Variants in SACS observed in about 807,000 individuals in gnomAD.
SACS encodes sacsin.
Under a neutral mutation model 348.0 loss-of-function variants are expected in SACS, and 197 were observed. The observed-to-expected ratio is 0.57, with a 90% CI of 0.50 to 0.64. SACS has a LOEUF of 0.64. SACS is among the 30% of genes least tolerant of loss of function. The probability of loss-of-function intolerance (pLI) is 0.00; values close to 1 mark genes in which losing one functional copy is unlikely to be tolerated. For missense variants in SACS, 4,999 were observed against 5,360.8 expected (o/e 0.93, Z 2.11); for synonymous variants, 1,985 against 1,910.6 (o/e 1.04, Z -1.02).
At position 23,332,355 on chromosome 13, in the gene SACS, G is replaced by A; in HGVS notation, c.11521C>T (p.His3841Tyr). Residue 3841 changes from histidine to tyrosine, a missense_variant, in exon 10 of 10, where the codon CAC becomes TAC. Around this residue, in one of 6 missense-constraint regions of SACS, gnomAD observed 831 missense variants for 941.8 expected, o/e 0.88. Coordinates refer to ENST00000382292, the MANE Select transcript of SACS (RefSeq NM_014363.6). ...ELGTFHQLFKHLGTEDIISTK... is the reference protein window; with the variant it reads ...ELGTFHQLFKYLGTEDIISTK... ...GAAATAATATCTTCAGTACCTAAGTGTTTGAACAACTGGTGAAATGTGCCA... is the reference window on the plus strand; with the variant it reads ...GAAATAATATCTTCAGTACCTAAGTATTTGAACAACTGGTGAAATGTGCCA... The A allele has an allele frequency of 6.2e-7, 1 of 1,613,972 alleles. No homozygotes were observed. Among genetic ancestry groups the A allele is most frequent in the Non-Finnish European group, 8.5e-7 (1 of 1,179,898 alleles).
intron 1 of SACS, among the ~76,000 whole-genome samples, chr13:23,423,636 G>A (rs1345042861): frequency 6.6e-6 from 1 of 152,166 alleles, no homozygotes; most frequent in Non-Finnish European, 1.5e-5. Flanking sequence ...CATTTGTGAT[G>A]TGCTTTATTA....
intron 2 of SACS, among the ~76,000 whole-genome samples, chr13:23,401,059 A>C (rs553591283): frequency 1.3e-5 from 2 of 152,308 alleles, no homozygotes; most frequent in East Asian, 1.9e-4. Context: ...AATATTTTAG[A>C]AATTATAAGA....
At chr13:23,351,905 T>G (rs973111368) in intron 9 of SACS, among the ~76,000 whole-genome samples, 2 of 151,996 alleles carry the variant, frequency 1.3e-5, no homozygotes, top group African/African-American at 4.8e-5. Flanking sequence ...AATAACAACT[T>G]GAATCCATAG....
intron 2 of SACS, among the ~76,000 whole-genome samples, chr13:23,397,717 A>T (rs1872761435): frequency 1.3e-5 from 2 of 152,194 alleles, no homozygotes; most frequent in Admixed American, 6.5e-5. Flanking sequence ...GAATACTATT[A>T]CTGTCATATC....
At chr13:23,397,932 C>T (rs993502133) in intron 2 of SACS, among the ~76,000 whole-genome samples, 1 of 152,178 alleles carries the variant, frequency 6.6e-6, no homozygotes, top group African/African-American at 2.4e-5. Context: ...TGGCTGATGC[C>T]TGTAATCCCT....
chr13:23,368,892 G>A (rs1043914652), intron 4 of SACS, among the ~76,000 whole-genome samples: 11 of 152,054 alleles, frequency 7.2e-5, no homozygotes, highest in Non-Finnish European at 1.0e-4. Flanking sequence ...GTAGAGATGG[G>A]GTTTCACCAT....
intron 1 of SACS, among the ~76,000 whole-genome samples, chr13:23,430,104 A>T (rs1456224730): frequency 6.6e-6 from 1 of 151,994 alleles, no homozygotes; most frequent in African/African-American, 2.4e-5. Context: ...GCCACTCGAG[A>T]GGCTGAGGCA....
chr13:23,331,704 T>C lies in SACS; in HGVS notation c.12172A>G (p.Arg4058Gly), dbSNP rs761727761. Residue 4058 changes from arginine (R) to glycine (G), a missense_variant, in exon 10 of 10, where the codon AGA becomes GGA. Arg to Gly is a moderately radical substitution (Grantham distance 125). Coordinates refer to ENST00000382292, the MANE Select transcript of SACS (RefSeq NM_014363.6). ...GGAATAGGATTAAAACCTTTAACTC[T>C]TAATGTTGTTTGAAGCTTTTCAAAG... ...SCFEKLQTTL[R>G]VKGFNPIPHS... 22 of 1,613,864 alleles carry C rather than the reference T, an allele frequency of 1.4e-5. No homozygotes were observed. The highest frequency in any genetic ancestry group is 1.8e-5 in the Non-Finnish European group (21 of 1,179,972).
chr13:23,338,694 C>T lies in SACS; in HGVS notation c.5182G>A (p.Val1728Ile), dbSNP rs752563650. 6.8e-6 allele frequency: 11 copies of T among 1,613,406 alleles called. No individual in the cohort carries two copies. The African/African-American group carries it at 1.2e-4, about 18-fold the overall frequency. ...GCAGCCTCTTTTAAAACACTTAAGA[C>T]AGGTGTGTTCAATGCTTTGGAAGAG... ...SCSSKALNTP[V>I]LSVLKEAAKL... The change falls in exon 10 of 10, where the codon GTC (valine) becomes ATC (isoleucine). Residue 1728 changes from valine (V) to isoleucine (I), a missense_variant. Around this residue, in one of 6 missense-constraint regions of SACS, gnomAD observed 3,156 missense variants for 3,380.1 expected, o/e 0.93. Coordinates refer to ENST00000382292, the MANE Select transcript of SACS (RefSeq NM_014363.6).
intron 4 of SACS, among the ~76,000 whole-genome samples, chr13:23,368,889 T>G (rs9580606): frequency 1.3e-5 from 2 of 151,864 alleles, no homozygotes; most frequent in Non-Finnish European, 2.9e-5. Context: ...TTAGTAGAGA[T>G]GGGGTTTCAC....
rs563834365 is a variant in SACS at position 23,385,542 on chromosome 13, G to C, written c.21-10273C>G. On this transcript the variant is annotated intron_variant, in intron 2 of 9. Transcript: ENST00000382292. ...GCCCGGTAATTTTGTATTTTTAGTA[G>C]TGATGAGGTTTCATCATGTTGGTTA... 2.0e-5 allele frequency among the ~76,000 whole-genome samples: 3 copies of C among 152,120 alleles called. No individual in the cohort carries two copies. In the East Asian group the frequency reaches 5.8e-4, roughly 29 times the overall value.
At position 23,334,710 on chromosome 13, in the gene SACS, A is replaced by G. The variant is rs1593125418; in HGVS notation, c.9166T>C (p.Tyr3056His). 3 of 1,613,804 alleles carry G rather than the reference A, an allele frequency of 1.9e-6. No individual in the cohort carries two copies. The highest frequency in any genetic ancestry group is 2.5e-6 in the Non-Finnish European group (3 of 1,179,788). ...TCTAAAAGGAGATGTTTCAGCCTAT[A>G]GACATTCTCTGCTACTGTTTTGCGT... Reference protein sequence around the residue: ...TTRKTVAENVYRLKHLLLEIG... With the variant: ...TTRKTVAENVHRLKHLLLEIG... Residue 3056 changes from tyrosine to histidine, a missense_variant, in exon 10 of 10, where the codon TAT becomes CAT. Coordinates refer to ENST00000382292, the MANE Select transcript of SACS (RefSeq NM_014363.6).
At position 23,338,086 on chromosome 13, in the gene SACS, G is replaced by A. The variant is rs137910940; in HGVS notation, c.5790C>T (p.Asp1930=). The change falls in exon 10 of 10, where the codon GAC becomes GAT. Residue 1930 remains aspartate, a synonymous_variant. Transcript: ENST00000382292. ...CCATTAGCTCCCCACTAGTGGCCAGGTCCCGTAAGACACTCAGTACCTGTA... is the reference window on the plus strand; with the variant it reads ...CCATTAGCTCCCCACTAGTGGCCAGATCCCGTAAGACACTCAGTACCTGTA... The part of the protein sequence containing the change: ...AYLQVLSVLR[D]LATSGELMDY... The A allele has an allele frequency of 5.5e-5, 88 of 1,614,018 alleles. No homozygotes were observed. The highest frequency in any genetic ancestry group is 6.0e-5 in the Non-Finnish European group (71 of 1,179,948).
Position 23,331,629 on chromosome 13 carries a change from C to A in SACS, c.12247G>T (p.Val4083Phe), listed in dbSNP as rs755826048. 6.2e-7 allele frequency: 1 copy of A among 1,613,958 alleles called. No individual in the cohort carries two copies. Among genetic ancestry groups the A allele is most frequent in the Non-Finnish European group, 8.5e-7 (1 of 1,179,912 alleles). ...GAATGTTGAATGTAGAGCAAGATGACTGCATTACCAAATCGCTTCAAAAAA... is the reference window on the plus strand; with the variant it reads ...GAATGTTGAATGTAGAGCAAGATGAATGCATTACCAAATCGCTTCAAAAAA... ...FAFLKRFGNAVILLYIQHSDS... is the reference protein window; with the variant it reads ...FAFLKRFGNAFILLYIQHSDS... The change falls in exon 10 of 10, where the codon GTC (valine) becomes TTC (phenylalanine). Residue 4083 changes from valine to phenylalanine, a missense_variant. Val to Phe is a conservative substitution (Grantham distance 50, BLOSUM62 -1). Coordinates refer to ENST00000382292, the MANE Select transcript of SACS (RefSeq NM_014363.6).
At chr13:23,366,657 A>C (rs926741007) in intron 5 of SACS, among the ~76,000 whole-genome samples, 2 of 152,188 alleles carry the variant, frequency 1.3e-5, no homozygotes, top group Non-Finnish European at 2.9e-5. Flanking sequence ...TGTGTACTTT[A>C]GGGAGCAGAG....
At position 23,355,976 on chromosome 13, in the gene SACS, G is replaced by A. The variant is rs749553267; in HGVS notation, c.636C>T (p.Ile212=). The change falls in exon 8 of 10, where the codon ATC becomes ATT. Residue 212 remains isoleucine, a synonymous_variant. Transcript: ENST00000382292. ...DVPCIFSGDQ[I]GMLDPHQTLF... The stretch of plus-strand genomic sequence containing the variant: ...GTGTTTGATGAGGATCTAGCATCCC[G>A]ATTTGGTCACCACTAAAGATACAAG... The A allele has an allele frequency of 9.3e-6, 15 of 1,613,756 alleles. No individual in the cohort carries two copies. Among genetic ancestry groups the A allele is most frequent in the Non-Finnish European group, 1.1e-5 (13 of 1,179,920 alleles).
chr13:23,333,836 A>G lies in SACS; in HGVS notation c.10040T>C (p.Leu3347Ser). The G allele has an allele frequency of 6.2e-7, 1 of 1,613,918 alleles. No homozygotes were observed. Among genetic ancestry groups the G allele is most frequent in the East Asian group, 2.2e-5 (1 of 44,874 alleles). Reference protein sequence around the residue: ...ICSKDSAFVPLLSCHTANIES... With the variant: ...ICSKDSAFVPSLSCHTANIES... ...TATATTTGCTGTGTGACATGACAAC[A>G]AAGGAACAAATGCACTGTCTTTGGA... Residue 3347 changes from leucine (L) to serine (S), a missense_variant, in exon 10 of 10, where the codon TTG (leucine) becomes TCG (serine). Around this residue, in one of 6 missense-constraint regions of SACS, gnomAD observed 734 missense variants for 694.0 expected, o/e 1.06. Coordinates refer to ENST00000382292, the MANE Select transcript of SACS (RefSeq NM_014363.6).
rs886050069 is a variant in SACS, at chr13:23,329,254, T to C, written c.*882A>G. ...CATGCCATATTGAAAGAAAAGGTTG[T>C]TTTTTTTTTAACTGCAGCACCTTTA... On this transcript the variant is annotated 3_prime_UTR_variant, in exon 10 of 10. Transcript: ENST00000382292. 3 of 385,136 alleles carry C rather than the reference T, an allele frequency of 7.8e-6. No homozygotes were observed. The highest frequency in any genetic ancestry group is 9.4e-5 in the Admixed American group (2 of 21,172). The allele number at this position is 385,136 out of a possible 1,614,324, so 23.9% of individuals were successfully genotyped here. A position where few individuals can be genotyped will look rare whatever the true frequency, so the allele number is the denominator to read the frequency against.
Position 23,334,993 on chromosome 13 carries a change from C to T in SACS, c.8883G>A (p.Ser2961=), listed in dbSNP as rs1463204431. The change falls in exon 10 of 10, where the codon TCG becomes TCA. Residue 2961 remains serine, a synonymous_variant. Coordinates refer to ENST00000382292, the MANE Select transcript of SACS (RefSeq NM_014363.6). ...VVKDTLKKFL[S]FFPVNRLDLQ... is the part of the protein sequence containing the mutation. ...GATCAAGACGGTTAACTGGGAAAAA[C>T]GATAAAAACTTCTTTAAAGTGTCCT... 9.3e-6 allele frequency: 15 copies of T among 1,613,680 alleles called. No homozygotes were observed. The highest frequency in any genetic ancestry group is 5.5e-5 in the South Asian group (5 of 91,072).
Sources: allele counts gnomAD v4.1 joint callset (sites outside exome capture counted in the v4.1 genomes callset), GRCh38; gene constraint gnomAD v4.1.1; regional missense constraint gnomAD v4.1.1; transcripts MANE v1.5; gene names NCBI Gene and HGNC (gene_info 2026-07-23, HGNC 2026-07-21).